WWOX: variants seen among roughly 807,000 people sequenced by gnomAD.
The protein encoded by WWOX is WW domain containing oxidoreductase.
A neutral mutation model predicts 46.2 loss-of-function variants in WWOX; 69 were observed. That is an observed-to-expected ratio of 1.49 (90% confidence interval 1.23 to 1.82). The LOEUF (loss-of-function observed/expected upper bound fraction) is 1.82. Among genes scored for constraint, WWOX ranks in the 40% most tolerant of loss-of-function variants. The probability of loss-of-function intolerance (pLI) is 0.00; values close to 1 mark genes in which losing one functional copy is unlikely to be tolerated. For missense variants in WWOX, 919 were observed against 542.6 expected (o/e 1.69, Z -6.89); for synonymous variants, 359 against 202.6 (o/e 1.77, Z -6.56).
At chr16:78,693,581 C>A (rs551923967) in intron 8 of WWOX, among the ~76,000 whole-genome samples, 5 of 152,230 alleles carry the variant, frequency 3.3e-5, no homozygotes, top group South Asian at 4.2e-4. Context: ...GGGGGCCCTC[C>A]TCTAGGGCAG....
intron 8 of WWOX, among the ~76,000 whole-genome samples, chr16:78,676,840 T>C (rs907281989): frequency 6.6e-6 from 1 of 152,202 alleles, no homozygotes; most frequent in Non-Finnish European, 1.5e-5. Flanking sequence ...GGAAAAATAA[T>C]ATTTTCTTAA....
intron 8 of WWOX, among the ~76,000 whole-genome samples, chr16:79,158,694 G>A (rs1027883155): frequency 6.6e-6 from 1 of 152,156 alleles, no homozygotes; most frequent in Non-Finnish European, 1.5e-5. Flanking sequence ...ATTGCTTTTT[G>A]TAAGTCAGAT....
At chr16:78,430,578 A>G (rs552393522) in intron 7 of WWOX, among the ~76,000 whole-genome samples, 10 of 152,216 alleles carry the variant, frequency 6.6e-5, no homozygotes, top group African/African-American at 2.2e-4. Flanking sequence ...AGTCATCACG[A>G]CAACCAGAAG....
intron 4 of WWOX, among the ~76,000 whole-genome samples, chr16:78,153,439 C>G (rs753399453): frequency 6.6e-6 from 1 of 152,100 alleles, no homozygotes; most frequent in Admixed American, 6.5e-5. Flanking sequence ...AAAACAGTCC[C>G]CACATTTGCA....
chr16:79,162,651 T>G (rs1597434837), intron 8 of WWOX, among the ~76,000 whole-genome samples: 1 of 152,208 alleles, frequency 6.6e-6, no homozygotes, highest in East Asian at 1.9e-4. Flanking sequence ...TGTCTTCTGC[T>G]TTCATCCTTA....
intron 8 of WWOX, among the ~76,000 whole-genome samples, chr16:79,146,608 C>T (rs995600068): frequency 3.9e-5 from 6 of 152,174 alleles, no homozygotes; most frequent in African/African-American, 9.6e-5. Flanking sequence ...TTTTAGAGTT[C>T]GTATTAATAT....
chr16:78,885,447 C>T (rs1439597504), intron 8 of WWOX, among the ~76,000 whole-genome samples: 1 of 152,148 alleles, frequency 6.6e-6, no homozygotes, highest in African/African-American at 2.4e-5. Flanking sequence ...TCTGTCTAAA[C>T]ATCTTATTCT....
At chr16:78,865,978 A>C (rs2043994765) in intron 8 of WWOX, among the ~76,000 whole-genome samples, 2 of 152,242 alleles carry the variant, frequency 1.3e-5, no homozygotes, top group Non-Finnish European at 2.9e-5. Context: ...TAAAAACCGT[A>C]GGTGATCACA....
intron 8 of WWOX, among the ~76,000 whole-genome samples, chr16:79,196,034 G>A (rs1005213140): frequency 9.2e-5 from 14 of 152,140 alleles, no homozygotes; most frequent in African/African-American, 3.4e-4. Context: ...CGCTTCTCAT[G>A]CAATTTAATC....
intron 5 of WWOX, among the ~76,000 whole-genome samples, chr16:78,236,831 C>G (rs188921757): frequency 2.6e-5 from 4 of 152,168 alleles, no homozygotes; most frequent in South Asian, 4.2e-4. Flanking sequence ...AATCCCAGCA[C>G]TTTGGGAGGC....
chr16:78,328,423 A>T (rs571085410), intron 5 of WWOX, among the ~76,000 whole-genome samples: 1 of 152,222 alleles, frequency 6.6e-6, no homozygotes, highest in African/African-American at 2.4e-5. Context: ...TTAGATGAAG[A>T]ATCATAGATT....
chr16:78,415,793 T>C (rs1480513949), intron 6 of WWOX, among the ~76,000 whole-genome samples: 2 of 152,150 alleles, frequency 1.3e-5, no homozygotes, highest in African/African-American at 4.8e-5. Flanking sequence ...CTTGGCCCAT[T>C]GTCACTCTCA....
intron 6 of WWOX, among the ~76,000 whole-genome samples, chr16:78,410,032 A>G (rs1158328578): frequency 3.3e-5 from 5 of 152,198 alleles, no homozygotes; most frequent in African/African-American, 9.7e-5. Context: ...TATTTGGATC[A>G]TGGGGGTGGA....
chr16:78,473,661 G>C (rs1408861626), intron 8 of WWOX, among the ~76,000 whole-genome samples: 1 of 151,762 alleles, frequency 6.6e-6, no homozygotes, highest in Non-Finnish European at 1.5e-5. Flanking sequence ...GATATGGAGC[G>C]TTTTTTTTGG....
chr16:78,323,601 A>G (rs948926281), intron 5 of WWOX, among the ~76,000 whole-genome samples: 2 of 152,176 alleles, frequency 1.3e-5, no homozygotes, highest in African/African-American at 4.8e-5. Flanking sequence ...CTCTAAGTGA[A>G]TCATGCCCAC....
intron 8 of WWOX, among the ~76,000 whole-genome samples, chr16:78,719,734 T>C (rs2048648518): frequency 6.6e-6 from 1 of 152,178 alleles, no homozygotes; most frequent in Admixed American, 6.6e-5. Flanking sequence ...AAATGGAAAA[T>C]ATCACTTAAC....
At chr16:78,262,697 A>G (rs940912757) in intron 5 of WWOX, among the ~76,000 whole-genome samples, 2 of 152,146 alleles carry the variant, frequency 1.3e-5, no homozygotes, top group Non-Finnish European at 2.9e-5. Flanking sequence ...GGATATTTAG[A>G]CTTACAGACC....
At chr16:78,692,639 T>TG (rs1295359054) in intron 8 of WWOX, among the ~76,000 whole-genome samples, 1 of 152,218 alleles carries the variant, frequency 6.6e-6, no homozygotes, top group Non-Finnish European at 1.5e-5. Context: ...TTAACAATTG[T>TG]GGAAGCAATG....
intron 8 of WWOX, among the ~76,000 whole-genome samples, chr16:78,600,546 C>G (rs1377831155): frequency 6.6e-6 from 1 of 152,142 alleles, no homozygotes; most frequent in African/African-American, 2.4e-5. Context: ...GATACCACTT[C>G]TCCTAGGGAT....
Sources: allele counts gnomAD v4.1 joint callset (sites outside exome capture counted in the v4.1 genomes callset), GRCh38; gene constraint gnomAD v4.1.1; transcripts MANE v1.5; gene names NCBI Gene and HGNC (gene_info 2026-07-23, HGNC 2026-07-21).